MSLN: variants seen among roughly 807,000 people sequenced by gnomAD.
The protein encoded by MSLN is CAK1 antigen.
A neutral mutation model predicts 72.6 loss-of-function variants in MSLN; 82 were observed. The ratio of observed to expected loss-of-function variants is 1.13; its 90% CI spans 0.94 to 1.36. The LOEUF is 1.36. Ranked by LOEUF, MSLN falls within the 40% of genes most tolerant of loss-of-function variation. The pLI is 0.00. For synonymous variants in MSLN, 456 were observed against 387.3 expected, an observed-to-expected ratio of 1.18 and a Z score of -2.08; for missense variants, 1,005 against 847.9, an observed-to-expected ratio of 1.19 and a Z score of -2.30.
At chr16:763,909 G>A in intron 5 of MSLN, 114 bp from the exon 6 acceptor site, 1 of 1,460,894 alleles carries the variant, frequency 6.8e-7, no homozygotes, top group Non-Finnish European at 9.2e-7. Context: ...GGGGAGGTCT[G>A]CAGGGAGCAC....
chr16:764,506 C>T, intron 6 of MSLN, 141 bp from the exon 7 acceptor site: 1 of 818,492 alleles, frequency 1.2e-6, no homozygotes, highest in Non-Finnish European at 2.1e-6. Flanking sequence ...GGCAGCGCTG[C>T]AGGCGGCCAG....
At chr16:762,874 G>C in intron 3 of MSLN, 109 bp downstream of exon 3, 1 of 889,264 alleles carries the variant, frequency 1.1e-6, no homozygotes, top group Non-Finnish European at 1.7e-6. Flanking sequence ...GAGTGCCTGT[G>C]GTGGCCACGT....
chr16:764,774 C>G, intron 7 of MSLN, 48 bp downstream of exon 7: 2 of 1,584,762 alleles, frequency 1.3e-6, no homozygotes, highest in Non-Finnish European at 1.7e-6. Flanking sequence ...GCCGCCAGCC[C>G]TCAGCCCCCA....
At chr16:765,825 CTGGGCAGCACCCCTGGGGG>C in intron 11 of MSLN, 35 bp downstream of exon 11, 1 of 1,573,180 alleles carries the variant, frequency 6.4e-7, no homozygotes, top group Non-Finnish European at 8.6e-7. Flanking sequence ...TGGCACCAGG[CTGGGCAGCACCCCTGGGGG>C]TGGGCATCAC....
chr16:763,899 G>C, intron 5 of MSLN, 124 bp from the exon 6 acceptor site: 1 of 1,326,274 alleles, frequency 7.5e-7, no homozygotes. Context: ...CTGGTCTTGG[G>C]GGGAGGTCTG....
rs1488041617 is a variant in MSLN at position 763,746 on chromosome 16, C to T, written c.179+55C>T. On this transcript the variant is annotated intron_variant, in intron 5 of 17. Coordinates refer to ENST00000545450, the MANE Select transcript of MSLN (RefSeq NM_005823.6). ...GGTGAGGCTCGAGGGGCCCTCGGGACTGAGGGTGGGCAGGGCACCCCATCC... is the reference window on the plus strand; with the variant it reads ...GGTGAGGCTCGAGGGGCCCTCGGGATTGAGGGTGGGCAGGGCACCCCATCC... 2.0e-6 allele frequency: 3 copies of T among 1,506,056 alleles called. No individual in the cohort carries two copies. The African/African-American group carries it at 4.4e-5, about 22-fold the overall frequency. 93.3% of individuals were successfully genotyped at this position (1,506,056 alleles called of 1,614,324 possible).
At chr16:763,793 C>CCCATG in intron 5 of MSLN, 102 bp downstream of exon 5, 1 of 708,568 alleles carries the variant, frequency 1.4e-6, no homozygotes, top group Non-Finnish European at 2.3e-6. Context: ...CTCCCCCTTC[C>CCCATG]TCCTCTGCTC....
intron 13 of MSLN, 26 bp from the exon 14 acceptor site, chr16:766,642 A>G: frequency 6.2e-7 from 1 of 1,612,020 alleles, no homozygotes; most frequent in Non-Finnish European, 8.5e-7. Context: ...CCTTGCCACA[A>G]GGCTCCTCGG....
chr16:763,509 A>G (rs2041562366), intron 4 of MSLN, 133 bp from the exon 5 acceptor site: 1 of 961,916 alleles, frequency 1.0e-6, no homozygotes. Flanking sequence ...AGCCAAGCCC[A>G]TGGGTCTGAG....
chr16:761,963 C>A (rs1010127505), intron 2 of MSLN, among the ~76,000 whole-genome samples: 40 of 152,214 alleles, frequency 2.6e-4, no homozygotes, highest in Middle Eastern at 3.2e-3. Context: ...CACCCCTACC[C>A]CAGGAGGACA....
At chr16:768,288 G>A in intron 16 of MSLN, 91 bp from the exon 17 acceptor site, 1 of 1,331,620 alleles carries the variant, frequency 7.5e-7, no homozygotes. Context: ...ATCTGTGGGT[G>A]GGGCAGTTTG....
rs150095532 is a variant in MSLN at position 767,463 on chromosome 16, C to A, written c.1589C>A (p.Ala530Glu). The change falls in exon 16 of 18, where the codon GCG (alanine) becomes GAG (glutamate). Residue 530 changes from alanine (A) to glutamate (E), a missense_variant. Physicochemically the swap from Ala to Glu is moderately radical, Grantham distance 107. Coordinates refer to ENST00000545450, the MANE Select transcript of MSLN (RefSeq NM_005823.6). Reference protein sequence around the residue: ...LATFMKLRTDAVLPLTVAEVQ... With the variant: ...LATFMKLRTDEVLPLTVAEVQ... ...ACGTTCATGAAGCTGCGGACGGATG[C>A]GGTGCTGGTATGGCGAGCGGGAGGA... The A allele has an allele frequency of 2.1e-6, 3 of 1,412,892 alleles. No homozygotes were observed. Among genetic ancestry groups the A allele is most frequent in the Non-Finnish European group, 1.9e-6 (2 of 1,062,460 alleles). 87.5% of individuals were successfully genotyped at this position (1,412,892 alleles called of 1,614,324 possible).
At chr16:768,220 C>T (rs192744199) in intron 16 of MSLN, among the ~76,000 whole-genome samples, 159 bp from the exon 17 acceptor site, 8 of 151,676 alleles carry the variant, frequency 5.3e-5, no homozygotes, top group Non-Finnish European at 1.0e-4. Context: ...GAAGGGCAGC[C>T]ATTGAGCTGA....
rs761220871 is a variant in MSLN, at chr16:765,769, C to T, written c.874C>T (p.Arg292Trp). 79 of 1,599,604 alleles carry T rather than the reference C, an allele frequency of 4.9e-5. No homozygotes were observed. The highest frequency in any genetic ancestry group is 5.9e-5 in the Non-Finnish European group (70 of 1,179,670). The change falls in exon 11 of 18, where the codon CGG becomes TGG. Residue 292 changes from arginine (R) to tryptophan (W), a missense_variant. Arg to Trp is a moderately radical substitution (Grantham distance 101). Transcript: ENST00000545450. ...RQPERTILRP[R>W]FRREVEKTAC... is the part of the protein sequence containing the mutation. Reference sequence around the variant, plus strand: ...GCCTGAACGGACCATCCTCCGGCCGCGGTTCCGGCGGGAAGTGGAGAGTGA... The same window carrying T: ...GCCTGAACGGACCATCCTCCGGCCGTGGTTCCGGCGGGAAGTGGAGAGTGA...
chr16:766,225 T>G lies in MSLN; in HGVS notation c.1062T>G (p.His354Gln). The change falls in exon 12 of 18, where the codon CAT (histidine) becomes CAG (glutamine). Residue 354 changes from histidine (H) to glutamine (Q), a missense_variant. By Grantham distance (24) the His-to-Gln change is conservative. Transcript: ENST00000545450. ...ACGAGCAGCTGGACGTCCTAAAGCA[T>G]AAACTGGATGAGGTAGTTCATGACT... ...FTYEQLDVLK[H>Q]KLDELYPQGY... 1 of 1,610,580 alleles carries G rather than the reference T, an allele frequency of 6.2e-7. No individual in the cohort carries two copies. Among genetic ancestry groups the G allele is most frequent in the Non-Finnish European group, 8.5e-7 (1 of 1,178,128 alleles).
In MSLN at chr16:764,065, G is replaced by A; in HGVS notation, c.222G>A (p.Val74=). 1 of 1,605,692 alleles carries A rather than the reference G, an allele frequency of 6.2e-7. No individual in the cohort carries two copies. Among genetic ancestry groups the A allele is most frequent in the Non-Finnish European group, 8.5e-7 (1 of 1,179,798 alleles). Residue 74 remains valine (V), a synonymous_variant, in exon 6 of 18, where the codon GTG becomes GTA. Transcript: ENST00000545450. The part of the protein sequence containing the change: ...RQLLGFPCAE[V]SGLSTERVRE... Reference sequence around the variant, plus strand: ...TCCTTGGCTTCCCGTGTGCGGAGGTGTCCGGCCTGAGCACGGAGCGTGTCC... The same window carrying A: ...TCCTTGGCTTCCCGTGTGCGGAGGTATCCGGCCTGAGCACGGAGCGTGTCC...
chr16:768,569 G>C lies in MSLN; in HGVS notation c.1783+4G>C. 1.2e-6 allele frequency: 2 copies of C among 1,607,406 alleles called. No individual in the cohort carries two copies. Among genetic ancestry groups the C allele is most frequent in the Non-Finnish European group, 1.7e-6 (2 of 1,177,294 alleles). On this transcript the variant is annotated splice_donor_region_variant and intron_variant, in intron 17 of 17. Coordinates refer to ENST00000545450, the MANE Select transcript of MSLN (RefSeq NM_005823.6). ...GTCCTAGACCTCAGCATGCAAGGTG[G>C]GCGGGGCGGCCAGGCCAGGGCTGGG...
chr16:762,801 CGGCCCAGGGGCCTTGGGGGCCA>C (rs1567355220), intron 3 of MSLN, 36 bp downstream of exon 3: 13 of 1,516,668 alleles, frequency 8.6e-6, no homozygotes, highest in South Asian at 1.3e-5. Context: ...GAGGTGGGGA[CGGCCCAGGGGCCTTGGGGGCCA>C]GGCCCCCAGC....
chr16:765,890 C>A, intron 11 of MSLN, 100 bp downstream of exon 11: 1 of 1,353,432 alleles, frequency 7.4e-7, no homozygotes, highest in Admixed American at 2.0e-5. Context: ...GGCTCTGCAG[C>A]ACATCCCATT....
Sources: gnomAD v4.1 joint callset for allele counts (sites outside exome capture counted in the v4.1 genomes callset) on GRCh38, gnomAD v4.1.1 for gene constraint, MANE v1.5 for transcripts, NCBI Gene and HGNC (gene_info 2026-07-23, HGNC 2026-07-21) for gene names.